The following COL4A2 variants were observed in gnomAD, a reference collection of about 807,000 sequenced individuals.
COL4A2 encodes the protein collagen type IV alpha 2 chain.
Under a neutral mutation model 200.2 loss-of-function variants are expected in COL4A2, and 99 were observed. The observed-to-expected ratio is 0.49, with a 90% CI of 0.42 to 0.58. The LOEUF (loss-of-function observed/expected upper bound fraction) is 0.58. Ranked by LOEUF, COL4A2 falls within the 20% of genes least tolerant of loss-of-function variation. The pLI is 0.00. For missense variants in COL4A2, 1,950 were observed against 2,314.1 expected (o/e 0.84, Z 3.23); for synonymous variants, 897 against 900.6 (o/e 1.00, Z 0.07).
At chr13:110,371,636 A>T (rs527937788) in intron 4 of COL4A2, among the ~76,000 whole-genome samples, 12 of 152,292 alleles carry the variant, frequency 7.9e-5, no homozygotes, top group Admixed American at 6.5e-4. Context: ...CCTGTGCCAG[A>T]TGTTCCTAAG....
chr13:110,325,995 A>G (rs562122663), intron 3 of COL4A2, among the ~76,000 whole-genome samples: 2 of 152,262 alleles, frequency 1.3e-5, no homozygotes, highest in South Asian at 4.1e-4. Flanking sequence ...CACGTTGGCC[A>G]GGCTGGTCTT....
chr13:110,500,723 G>GT (rs1284244784), intron 40 of COL4A2, among the ~76,000 whole-genome samples: 1 of 152,216 alleles, frequency 6.6e-6, no homozygotes, highest in Non-Finnish European at 1.5e-5. Flanking sequence ...CAAGATGTTT[G>GT]TCAATGATCA....
rs374737891 is a variant in COL4A2, at chr13:110,505,466, G to T, written c.4403-949G>T. On this transcript the variant is annotated intron_variant, in intron 45 of 47. Transcript: ENST00000360467. ...GCCGGCAAATTATGGGTAGTGTGGG[G>T]TGCACCTGAAAACAAATGCCAGCAA... Among the ~76,000 whole-genome samples the T allele has an allele frequency of 8.5e-5, 13 of 152,326 alleles. No individual in the cohort carries two copies. The East Asian group carries it at 2.3e-3, about 27-fold the overall frequency.
At chr13:110,402,650 G>A (rs900782048) in intron 4 of COL4A2, among the ~76,000 whole-genome samples, 3 of 152,166 alleles carry the variant, frequency 2.0e-5, no homozygotes, top group African/African-American at 7.2e-5. Flanking sequence ...TATTATTCAT[G>A]GTGTTCTGAC....
At chr13:110,468,680 G>A (rs571069700) in intron 27 of COL4A2, among the ~76,000 whole-genome samples, 3 of 152,302 alleles carry the variant, frequency 2.0e-5, no homozygotes, top group East Asian at 3.9e-4. Flanking sequence ...CCCAAGAGGC[G>A]CCAGGAACGG....
intron 18 of COL4A2, among the ~76,000 whole-genome samples, chr13:110,448,381 T>G (rs1441916522): frequency 6.6e-6 from 1 of 152,178 alleles, no homozygotes; most frequent in Admixed American, 6.5e-5. Context: ...AAAATTCACT[T>G]TTTCCCACAA....
chr13:110,346,399 A>AT lies in COL4A2; in HGVS notation c.100-11072dup, dbSNP rs199527399. Among the ~76,000 whole-genome samples the AT allele has an allele frequency of 1.9e-4, 29 of 152,200 alleles. 2 individuals are homozygous for AT. The highest frequency in any genetic ancestry group is 1.4e-3 in the Admixed American group (21 of 15,278). ...TGATCCCGTGGTCACCATAGACAAT[A>AT]TAAGGAGCAGTGTCTATGGCAGGAG... On this transcript the variant is annotated intron_variant, in intron 3 of 47. Coordinates refer to ENST00000360467, the MANE Select transcript of COL4A2 (RefSeq NM_001846.4).
At chr13:110,353,355 G>A (rs189258867) in intron 3 of COL4A2, among the ~76,000 whole-genome samples, 22 of 152,306 alleles carry the variant, frequency 1.4e-4, no homozygotes, top group Admixed American at 5.9e-4. Context: ...GAATAGGATC[G>A]CGGCTTGTCT....
chr13:110,470,687 C>T (rs146297236), intron 28 of COL4A2, among the ~76,000 whole-genome samples: 2,224 of 152,262 alleles, frequency 0.015, 21 homozygotes, highest in Non-Finnish European at 0.024. Flanking sequence ...CACAGAACAT[C>T]GGGACTGTTG....
chr13:110,504,398 C>T (rs1383546685), intron 45 of COL4A2, 134 bp downstream of exon 45: 2 of 689,610 alleles, frequency 2.9e-6, no homozygotes, highest in East Asian at 5.2e-5. Context: ...CCTCCTGCTC[C>T]TAATCTGGGC....
intron 3 of COL4A2, among the ~76,000 whole-genome samples, chr13:110,353,669 C>T (rs763111525): frequency 1.1e-4 from 17 of 152,220 alleles, no homozygotes; most frequent in Non-Finnish European, 2.1e-4. Flanking sequence ...TTCTGTTCCT[C>T]CTGGAGACCT....
rs534623431 is a variant in COL4A2 at position 110,489,833 on chromosome 13, C to T, written c.3346+48C>T. 25 of 1,561,952 alleles carry T rather than the reference C, an allele frequency of 1.6e-5. No homozygotes were observed. The East Asian group carries it at 4.9e-4, about 31-fold the overall frequency. Reference sequence around the variant, plus strand: ...CTTCATCTTCAACAACAGCCCTGAGCCTTTGTCTAGGAGCCCGACTTGCCA... The same window carrying T: ...CTTCATCTTCAACAACAGCCCTGAGTCTTTGTCTAGGAGCCCGACTTGCCA... On this transcript the variant is annotated intron_variant, in intron 36 of 47. Transcript: ENST00000360467.
At position 110,503,475 on chromosome 13, in the gene COL4A2, T is replaced by TC; in HGVS notation, c.4132_4133insC (p.Phe1378SerfsTer78). ...CAAGGGACCCAAGGGAGACCCAGGA[T>TC]TCCCTGGTAAGTGACCGTCTGGTAT... On this transcript the variant is annotated frameshift_variant, in exon 43 of 48. Transcript: ENST00000360467. LOFTEE classifies it high-confidence loss of function. The TC allele has an allele frequency of 6.5e-7, 1 of 1,547,742 alleles. No individual in the cohort carries two copies. Among genetic ancestry groups the TC allele is most frequent in the Non-Finnish European group, 8.8e-7 (1 of 1,139,814 alleles).
At chr13:110,315,145 A>C (rs1330541389) in intron 3 of COL4A2, among the ~76,000 whole-genome samples, 3 of 151,810 alleles carry the variant, frequency 2.0e-5, no homozygotes, top group Non-Finnish European at 2.9e-5. Context: ...TCTGCACTCC[A>C]GGCCTTAGCC....
At chr13:110,317,528 G>C (rs907059022) in intron 3 of COL4A2, among the ~76,000 whole-genome samples, 2 of 152,038 alleles carry the variant, frequency 1.3e-5, no homozygotes, top group African/African-American at 4.8e-5. Context: ...CTGCAGAGAG[G>C]CTGGACAGAG....
At chr13:110,501,109 G>C (rs990420692) in intron 40 of COL4A2, among the ~76,000 whole-genome samples, 14 of 152,168 alleles carry the variant, frequency 9.2e-5, no homozygotes, top group Middle Eastern at 3.2e-3. Flanking sequence ...GTTGATTTGG[G>C]GGGGATTCCA....
chr13:110,313,486 G>A (rs959243315), intron 3 of COL4A2, among the ~76,000 whole-genome samples: 7 of 151,262 alleles, frequency 4.6e-5, no homozygotes, highest in Middle Eastern at 3.5e-3. Context: ...GCGTCCACCC[G>A]GCAGGCTCCC....
At chr13:110,315,952 T>C (rs544699464) in intron 3 of COL4A2, among the ~76,000 whole-genome samples, 22 of 151,378 alleles carry the variant, frequency 1.5e-4, no homozygotes, top group Non-Finnish European at 2.8e-4. Flanking sequence ...GATTAAAATG[T>C]ATTTATTCTT....
At chr13:110,394,325 T>A (rs1879108794) in intron 4 of COL4A2, among the ~76,000 whole-genome samples, 1 of 152,192 alleles carries the variant, frequency 6.6e-6, no homozygotes, top group Admixed American at 6.5e-5. Flanking sequence ...GCAGAGAGGC[T>A]CAGTAGTTTG....
Sources: allele counts gnomAD v4.1 joint callset (sites outside exome capture counted in the v4.1 genomes callset), GRCh38; gene constraint gnomAD v4.1.1; transcripts MANE v1.5; gene names NCBI Gene and HGNC (gene_info 2026-07-23, HGNC 2026-07-21).